RGPD3: variants seen among roughly 807,000 people sequenced by gnomAD.
RGPD3 encodes the protein ranBP2-like and GRIP domain-containing protein 3.
RGPD3 carries 62 observed loss-of-function variants against 154.5 expected under a neutral mutation model. The ratio of observed to expected loss-of-function variants is 0.40; its 90% CI spans 0.33 to 0.50. The LOEUF (loss-of-function observed/expected upper bound fraction) is 0.50. Among genes scored for constraint, RGPD3 ranks in the 20% least tolerant of loss-of-function variants. The pLI is 0.59. For missense variants in RGPD3, 919 were observed against 1,716.8 expected (o/e 0.54, Z 8.21); for synonymous variants, 308 against 607.0 (o/e 0.51, Z 7.24).
intron 7 of RGPD3, among the ~76,000 whole-genome samples, chr2:106,446,542 C>A (rs1422944034): frequency 9.5e-6 from 1 of 105,768 alleles, no homozygotes; most frequent in African/African-American, 3.6e-5. Context: ...TGCACTCCAG[C>A]CTGGGCGACA....
At position 106,445,243 on chromosome 2, in the gene RGPD3, C is replaced by T. The variant is rs1236699585; in HGVS notation, c.978+2175G>A. Reference sequence around the variant, plus strand: ...GGCGGAGCTTGCAGTGAGCCGAGGTCGTGCCACTGTGCTCCAGCCTGGGCG... The same window carrying T: ...GGCGGAGCTTGCAGTGAGCCGAGGTTGTGCCACTGTGCTCCAGCCTGGGCG... On this transcript the variant is annotated intron_variant, in intron 7 of 22. Coordinates refer to ENST00000409886, the MANE Select transcript of RGPD3 (RefSeq NM_001144013.2). Among the ~76,000 whole-genome samples, 5 of 146,408 alleles carry T rather than the reference C, an allele frequency of 3.4e-5. No individual in the cohort carries two copies. The South Asian group carries it at 6.4e-4, about 19-fold the overall frequency.
intron 1 of RGPD3, among the ~76,000 whole-genome samples, chr2:106,467,192 GA>G (rs1225559720): frequency 0.014 from 23 of 1,682 alleles, no homozygotes; most frequent in East Asian, 0.1. Context: ...CGCCTCAACA[GA>G]GCGCGCCAGG....
At position 106,427,169 on chromosome 2, in the gene RGPD3, T is replaced by C. The variant is rs1677226675; in HGVS notation, c.2606-1081A>G. Among the ~76,000 whole-genome samples, 14 of 150,628 alleles carry C rather than the reference T, an allele frequency of 9.3e-5. No homozygotes were observed. In the South Asian group the frequency reaches 3.0e-3, roughly 32 times the overall value. The stretch of plus-strand genomic sequence containing the variant: ...AATCTACTAAAAGTAATCTAACTTT[T>C]AAAAGCACCATATGAATAGACAATT... On this transcript the variant is annotated intron_variant, in intron 18 of 22. Coordinates refer to ENST00000409886, the MANE Select transcript of RGPD3 (RefSeq NM_001144013.2).
At chr2:106,409,718 C>A (rs1676611335) in intron 22 of RGPD3, among the ~76,000 whole-genome samples, 1 of 151,044 alleles carries the variant, frequency 6.6e-6, no homozygotes, top group South Asian at 2.1e-4. Flanking sequence ...AGATTTCCAG[C>A]CATTCTCTTC....
intron 20 of RGPD3, among the ~76,000 whole-genome samples, chr2:106,420,695 A>G (rs1365085883): frequency 4.6e-5 from 7 of 152,300 alleles, no homozygotes; most frequent in Non-Finnish European, 1.0e-4. Flanking sequence ...AATCAAATCT[A>G]TCGATAAAGT....
At chr2:106,470,847 A>T (rs539194077), upstream of RGPD3, 80 of 1,603,488 alleles carry the variant, frequency 5.0e-5, 3 homozygotes, top group African/African-American at 2.7e-4. Context: ...TGGAGCACTA[A>T]CGCCATCTAG....
At position 106,409,743 on chromosome 2, in the gene RGPD3, C is replaced by A. The variant is rs574585469; in HGVS notation, c.5266+3341G>T. Among the ~76,000 whole-genome samples, 3 of 151,274 alleles carry A rather than the reference C, an allele frequency of 2.0e-5. No individual in the cohort carries two copies. The South Asian group carries it at 6.3e-4, about 32-fold the overall frequency. ...CCATTCTCTTCATATATTATCTGTG[C>A]TGTATTCTTGTCTCTCCTTTTAGAA... On this transcript the variant is annotated intron_variant, in intron 22 of 22. Transcript: ENST00000409886.
At chr2:106,449,100 C>A (rs886549095) in intron 6 of RGPD3, among the ~76,000 whole-genome samples, 11 of 151,634 alleles carry the variant, frequency 7.3e-5, no homozygotes, top group Admixed American at 6.6e-4. Flanking sequence ...AAAAGATTTA[C>A]AAAAATGCAA....
At position 106,462,697 on chromosome 2, in the gene RGPD3, A is replaced by T. The variant is rs868451845; in HGVS notation, c.73-3365T>A. On this transcript the variant is annotated intron_variant, in intron 1 of 22. Coordinates refer to ENST00000409886, the MANE Select transcript of RGPD3 (RefSeq NM_001144013.2). ...CAGTTCTGAATTTCTCTTTTTTTTT[A>T]AATTCAAACGGAGTCTCGCTCTGTC... Among the ~76,000 whole-genome samples the T allele has an allele frequency of 2.6e-4, 40 of 151,988 alleles. 1 individual carries two copies. Among genetic ancestry groups the T allele is most frequent in the East Asian group, 1.7e-3 (9 of 5,170 alleles).
At chr2:106,413,854 G>A (rs937761732) in intron 21 of RGPD3, among the ~76,000 whole-genome samples, 17 of 152,268 alleles carry the variant, frequency 1.1e-4, no homozygotes, top group African/African-American at 3.6e-4. Flanking sequence ...CTGATGGAAC[G>A]TCTCCATGAG....
At chr2:106,449,595 C>T (rs1267876201) in intron 6 of RGPD3, among the ~76,000 whole-genome samples, 4 of 151,696 alleles carry the variant, frequency 2.6e-5, no homozygotes, top group African/African-American at 4.9e-5. Flanking sequence ...AACCCACATA[C>T]GGCCGGGTGC....
intron 7 of RGPD3, among the ~76,000 whole-genome samples, chr2:106,443,557 CTTTT>C (rs1304807373): frequency 9.0e-6 from 1 of 111,632 alleles, no homozygotes; most frequent in Admixed American, 9.2e-5. Context: ...TGACATCATT[CTTTT>C]TGTTTTCAAA....
At chr2:106,418,498 C>T (rs1335533736) in intron 20 of RGPD3, among the ~76,000 whole-genome samples, 2 of 151,940 alleles carry the variant, frequency 1.3e-5, no homozygotes, top group African/African-American at 2.4e-5. Context: ...AGTTAAGAGC[C>T]CAGAATCCAG....
intron 9 of RGPD3, among the ~76,000 whole-genome samples, chr2:106,437,996 A>G (rs1290799520): frequency 6.6e-6 from 1 of 152,208 alleles, no homozygotes; most frequent in Non-Finnish European, 1.5e-5. Context: ...CAGCAGTGTG[A>G]TCTTGGCTCA....
rs748515777 is a variant in RGPD3 at position 106,425,197 on chromosome 2, T to G, written c.2770A>C (p.Lys924Gln). The G allele has an allele frequency of 6.2e-7, 1 of 1,611,820 alleles. No individual in the cohort carries two copies. The highest frequency in any genetic ancestry group is 8.5e-7 in the Non-Finnish European group (1 of 1,179,792). ...TTTCCTGGTTCCGAAATGCCAAATTTAAATCCATCAGCAGACACAGGGATG... is the reference window on the plus strand; with the variant it reads ...TTTCCTGGTTCCGAAATGCCAAATTGAAATCCATCAGCAGACACAGGGATG... ...FSIPVSADGF[K>Q]FGISEPGNQE... The change falls in exon 20 of 23, where the codon AAA becomes CAA. Residue 924 changes from lysine to glutamine, a missense_variant. By Grantham distance (53) the Lys-to-Gln change is moderately conservative (BLOSUM62 1). Coordinates refer to ENST00000409886, the MANE Select transcript of RGPD3 (RefSeq NM_001144013.2).
chr2:106,459,058 A>C (rs1042588623), intron 2 of RGPD3, among the ~76,000 whole-genome samples: 1 of 147,230 alleles, frequency 6.8e-6, no homozygotes, highest in African/African-American at 2.5e-5. Flanking sequence ...CCTTGGTATA[A>C]AGCAGCAGCA....
chr2:106,461,955 C>T (rs563263925), intron 1 of RGPD3, among the ~76,000 whole-genome samples: 1 of 152,116 alleles, frequency 6.6e-6, no homozygotes, highest in African/African-American at 2.4e-5. Context: ...GCTCTGTCAC[C>T]AGGCTGGAGT....
chr2:106,426,808 G>T (rs1392821289), intron 18 of RGPD3, among the ~76,000 whole-genome samples: 2 of 152,238 alleles, frequency 1.3e-5, no homozygotes, highest in African/African-American at 4.8e-5. Context: ...GTACATGGAA[G>T]AAGAAACAGA....
At position 106,424,693 on chromosome 2, in the gene RGPD3, C is replaced by A. The variant is rs920836100; in HGVS notation, c.3274G>T (p.Val1092Phe). 12 of 1,611,860 alleles carry A rather than the reference C, an allele frequency of 7.4e-6. No individual in the cohort carries two copies. The highest frequency in any genetic ancestry group is 1.7e-5 in the Admixed American group (1 of 59,986). The change falls in exon 20 of 23, where the codon GTC (valine) becomes TTC (phenylalanine). Residue 1092 changes from valine (V) to phenylalanine (F), a missense_variant. By Grantham distance (50) the Val-to-Phe change is conservative. Coordinates refer to ENST00000409886, the MANE Select transcript of RGPD3 (RefSeq NM_001144013.2). The part of the protein sequence containing the change: ...LGNLKILKNE[V>F]NGKVRMLMQR... Reference sequence around the variant, plus strand: ...ATCAGCATTCTTACTTTGCCATTGACCTCGTTTTTGAGAATTTTTAAGTTC... The same window carrying A: ...ATCAGCATTCTTACTTTGCCATTGAACTCGTTTTTGAGAATTTTTAAGTTC...
Sources: gnomAD v4.1 joint callset for allele counts (sites outside exome capture counted in the v4.1 genomes callset) on GRCh38, gnomAD v4.1.1 for gene constraint, MANE v1.5 for transcripts, NCBI Gene and HGNC (gene_info 2026-07-23, HGNC 2026-07-21) for gene names.